Variants in TMEM200A observed in about 807,000 individuals in gnomAD.
TMEM200A encodes the protein two transmembrane C.
In TMEM200A, 12 loss-of-function variants were observed where a neutral mutation model predicts 24.3. The observed-to-expected ratio is 0.49, with a 90% CI of 0.32 to 0.80. The LOEUF is 0.80. Among genes scored for constraint, TMEM200A ranks in the 30% least tolerant of loss-of-function variants. The probability of loss-of-function intolerance (pLI) is 0.04; values close to 1 mark genes in which losing one functional copy is unlikely to be tolerated. For missense variants in TMEM200A, 545 were observed against 614.4 expected (o/e 0.89, Z 1.19); for synonymous variants, 224 against 224.4 (o/e 1.00, Z 0.02).
chr6:130,435,054 G>GA (rs200828377), intron 2 of TMEM200A, among the ~76,000 whole-genome samples: 230 of 135,008 alleles, frequency 1.7e-3, no homozygotes, highest in Middle Eastern at 7.5e-3. Context: ...CACTGGGAAT[G>GA]AAAAAAAAAA....
chr6:130,402,897 C>A (rs2115137230), intron 2 of TMEM200A, among the ~76,000 whole-genome samples: 1 of 152,164 alleles, frequency 6.6e-6, no homozygotes, highest in South Asian at 2.1e-4. Context: ...AAAAATGTAG[C>A]CTCTTTATGT....
At chr6:130,425,554 G>A (rs1030670249) in intron 2 of TMEM200A, among the ~76,000 whole-genome samples, 4 of 152,196 alleles carry the variant, frequency 2.6e-5, no homozygotes, top group Non-Finnish European at 5.9e-5. Flanking sequence ...ATTGAAGCCT[G>A]AGAAAGCTGA....
intron 1 of TMEM200A, among the ~76,000 whole-genome samples, chr6:130,374,418 GTTTTT>G (rs760281727): frequency 2.4e-5 from 2 of 81,882 alleles, no homozygotes; most frequent in African/African-American, 9.7e-5. Context: ...TTTTGTTTTT[GTTTTT>G]TTTTTTTCAG....
rs570923699 is a variant in TMEM200A at position 130,400,838 on chromosome 6, A to G, written c.-17+15602A>G. Among the ~76,000 whole-genome samples, 23 of 152,182 alleles carry G rather than the reference A, an allele frequency of 1.5e-4. No homozygotes were observed. The South Asian group carries it at 4.1e-3, about 27-fold the overall frequency. On this transcript the variant is annotated intron_variant, in intron 2 of 2. Transcript: ENST00000296978. Reference sequence around the variant, plus strand: ...CTGTCCGGGGCACAGACTCTATTCTAGGGTTCCAAGTCCAACCCCCTGCTT... The same window carrying G: ...CTGTCCGGGGCACAGACTCTATTCTGGGGTTCCAAGTCCAACCCCCTGCTT...
At chr6:130,380,468 T>C (rs1160800601) in intron 1 of TMEM200A, among the ~76,000 whole-genome samples, 1 of 152,100 alleles carries the variant, frequency 6.6e-6, no homozygotes, top group Non-Finnish European at 1.5e-5. Context: ...AAGAAGTGAT[T>C]GAATAGCTAG....
chr6:130,441,115 T>C lies in TMEM200A; in HGVS notation c.693T>C (p.Leu231=), dbSNP rs1178315022. 1 of 1,613,934 alleles carries C rather than the reference T, an allele frequency of 6.2e-7. No individual in the cohort carries two copies. The highest frequency in any genetic ancestry group is 8.5e-7 in the Non-Finnish European group (1 of 1,179,992). ...ACAGCTCCGTGGAGGAGGATGAACTTATGTTAAATGAAGGTAAGAGTTCTG... is the reference window on the plus strand; with the variant it reads ...ACAGCTCCGTGGAGGAGGATGAACTCATGTTAAATGAAGGTAAGAGTTCTG... The part of the protein sequence containing the change: ...RMDSSVEEDE[L]MLNEGKSSGH... Residue 231 remains leucine, a synonymous_variant, in exon 3 of 3, where the codon CTT becomes CTC. Coordinates refer to ENST00000296978, the MANE Select transcript of TMEM200A (RefSeq NM_001258277.2).
intron 2 of TMEM200A, among the ~76,000 whole-genome samples, chr6:130,385,606 T>C (rs541118158): frequency 6.6e-6 from 1 of 152,288 alleles, no homozygotes; most frequent in East Asian, 1.9e-4. Context: ...AGGCCCTTAA[T>C]TAGAAGCTCA....
At chr6:130,424,024 T>C (rs924721116) in intron 2 of TMEM200A, among the ~76,000 whole-genome samples, 27 of 152,310 alleles carry the variant, frequency 1.8e-4, no homozygotes, top group African/African-American at 6.3e-4. Flanking sequence ...ACCCATTTGA[T>C]TTCTTTAAAT....
chr6:130,432,169 C>T (rs1370799266), intron 2 of TMEM200A, among the ~76,000 whole-genome samples: 1 of 152,200 alleles, frequency 6.6e-6, no homozygotes, highest in African/African-American at 2.4e-5. Flanking sequence ...CCATGTTCCT[C>T]TGCATTTTCA....
chr6:130,371,101 C>T (rs530869494), intron 1 of TMEM200A, among the ~76,000 whole-genome samples: 1 of 152,234 alleles, frequency 6.6e-6, no homozygotes, highest in African/African-American at 2.4e-5. Flanking sequence ...GAAGGAGCAT[C>T]TTTGTTGACA....
At chr6:130,411,876 T>C (rs923347370) in intron 2 of TMEM200A, among the ~76,000 whole-genome samples, 3 of 152,190 alleles carry the variant, frequency 2.0e-5, no homozygotes, top group Non-Finnish European at 4.4e-5. Flanking sequence ...TAATTACTGT[T>C]TTTTGTAAGG....
intron 1 of TMEM200A, among the ~76,000 whole-genome samples, chr6:130,383,302 A>G (rs1299204647): frequency 6.6e-6 from 1 of 152,190 alleles, no homozygotes; most frequent in African/African-American, 2.4e-5. Context: ...GAAAAGAATG[A>G]GACACTGTGA....
At chr6:130,403,963 T>G (rs1290025201) in intron 2 of TMEM200A, among the ~76,000 whole-genome samples, 1 of 152,192 alleles carries the variant, frequency 6.6e-6, no homozygotes, top group African/African-American at 2.4e-5. Flanking sequence ...CTGAGGATAA[T>G]GGCCTCCAGC....
intron 2 of TMEM200A, among the ~76,000 whole-genome samples, chr6:130,418,145 T>C (rs529370489): frequency 3.5e-4 from 53 of 152,216 alleles, no homozygotes; most frequent in Non-Finnish European, 5.6e-4. Context: ...TTCTTGATCA[T>C]ATATAGATAA....
intron 2 of TMEM200A, among the ~76,000 whole-genome samples, chr6:130,393,950 T>G (rs1360290680): frequency 6.6e-6 from 1 of 152,204 alleles, no homozygotes; most frequent in East Asian, 1.9e-4. Context: ...CTTCCTGTCT[T>G]GATCCTACAG....
chr6:130,432,264 C>T (rs1419407983), intron 2 of TMEM200A, among the ~76,000 whole-genome samples: 2 of 152,208 alleles, frequency 1.3e-5, no homozygotes, highest in African/African-American at 4.8e-5. Context: ...GATCCAATTG[C>T]ATCACGAAGT....
At chr6:130,382,877 A>G (rs1327912681) in intron 1 of TMEM200A, 1 of 219,740 alleles carries the variant, frequency 4.6e-6, no homozygotes, top group East Asian at 1.8e-4. Context: ...GGAAGGGGCG[A>G]GCTAGTGGCA....
At position 130,366,633 on chromosome 6, in the gene TMEM200A, A is replaced by G. The variant is rs1338383910; in HGVS notation, c.-81+109A>G. The G allele has an allele frequency of 4.4e-6, 4 of 917,576 alleles. No homozygotes were observed. In the South Asian group the frequency reaches 1.5e-4, roughly 35 times the overall value. 56.8% of individuals were successfully genotyped at this position (917,576 alleles called of 1,614,324 possible). ...TCTGCCCTCCCCTCCCCTCCGCTAC[A>G]GCCTCCAGAGTTAGGTAAACGCTGT... On this transcript the variant is annotated intron_variant, in intron 1 of 2. Coordinates refer to ENST00000296978, the MANE Select transcript of TMEM200A (RefSeq NM_001258277.2). This position sits in a 1 kb window ranked among gnomAD's most constrained non-coding sequence, Gnocchi z 4.4.
chr6:130,381,503 C>T (rs2115089485), intron 1 of TMEM200A, among the ~76,000 whole-genome samples: 1 of 152,320 alleles, frequency 6.6e-6, no homozygotes. Context: ...TCCCCTTGGA[C>T]ACATACATCA....
Sources: allele counts gnomAD v4.1 joint callset (sites outside exome capture counted in the v4.1 genomes callset), GRCh38; gene constraint gnomAD v4.1.1; non-coding constraint Gnocchi (gnomAD v3.1); transcripts MANE v1.5; gene names NCBI Gene and HGNC (gene_info 2026-07-23, HGNC 2026-07-21).